OSBP2: variants seen among roughly 807,000 people sequenced by gnomAD.
OSBP2 encodes the protein oxysterol binding protein 2.
Under a neutral mutation model 96.0 loss-of-function variants are expected in OSBP2, and 66 were observed. The ratio of observed to expected loss-of-function variants is 0.69; its 90% confidence interval spans 0.56 to 0.84. The LOEUF (loss-of-function observed/expected upper bound fraction) is 0.84. OSBP2 is among the 40% of genes least tolerant of loss of function. OSBP2 has a pLI of 0.00. For synonymous variants in OSBP2, 525 were observed against 520.9 expected, an observed-to-expected ratio of 1.01 and a Z score of -0.11; for missense variants, 1,038 against 1,222.7, an observed-to-expected ratio of 0.85 and a Z score of 2.25.
intron 1 of OSBP2, among the ~76,000 whole-genome samples, chr22:30,722,659 C>T (rs1392826267): frequency 1.3e-5 from 2 of 150,868 alleles, no homozygotes; most frequent in African/African-American, 4.9e-5. Flanking sequence ...CTCCTTCCTT[C>T]CCTCTCTTTT....
At chr22:30,794,507 C>A (rs938194550) in intron 2 of OSBP2, among the ~76,000 whole-genome samples, 1 of 151,964 alleles carries the variant, frequency 6.6e-6, no homozygotes, top group African/African-American at 2.4e-5. Context: ...TCGAGTGATC[C>A]GCCCGCCTCA....
At chr22:30,784,957 A>G (rs2090566488) in intron 2 of OSBP2, among the ~76,000 whole-genome samples, 1 of 152,114 alleles carries the variant, frequency 6.6e-6, no homozygotes, top group East Asian at 1.9e-4. Context: ...CATTTTTAGT[A>G]GAAATGAGGT....
chr22:30,881,194 C>A lies in OSBP2; in HGVS notation c.1108-6232C>A, dbSNP rs187676266. Among the ~76,000 whole-genome samples, 3 of 152,304 alleles carry A rather than the reference C, an allele frequency of 2.0e-5. No homozygotes were observed. Among genetic ancestry groups the A allele is most frequent in the East Asian group, 3.9e-4 (2 of 5,176 alleles). ...ACCCCCAACACCCCTTTCACCAGAACCCTCTGTGCAGCACTTGGGGGTAGG... is the reference window on the plus strand; with the variant it reads ...ACCCCCAACACCCCTTTCACCAGAAACCTCTGTGCAGCACTTGGGGGTAGG... On this transcript the variant is annotated intron_variant, in intron 3 of 13. Transcript: ENST00000332585. The surrounding 1 kb of genome is among the most constrained non-coding windows in gnomAD (Gnocchi z 4.5).
At chr22:30,901,865 C>A (rs5753380) in intron 12 of OSBP2, among the ~76,000 whole-genome samples, 3 of 151,786 alleles carry the variant, frequency 2.0e-5, no homozygotes, top group Non-Finnish European at 4.4e-5. Context: ...TCTGTCCCCC[C>A]ACAAAAAAAG....
At chr22:30,855,367 G>A (rs147600045) in intron 2 of OSBP2, among the ~76,000 whole-genome samples, 28 of 152,256 alleles carry the variant, frequency 1.8e-4, no homozygotes, top group South Asian at 1.2e-3. Flanking sequence ...ACTGTGGGCC[G>A]GCACCTTTGC....
chr22:30,735,433 G>A (rs985227209), intron 1 of OSBP2, among the ~76,000 whole-genome samples: 1 of 18,698 alleles, frequency 5.3e-5, no homozygotes, highest in African/African-American at 2.0e-4. Context: ...TTTTTTTTTT[G>A]AGACAGGGTC....
At chr22:30,817,986 C>T (rs993671726) in intron 2 of OSBP2, among the ~76,000 whole-genome samples, 1 of 152,116 alleles carries the variant, frequency 6.6e-6, no homozygotes, top group African/African-American at 2.4e-5. Context: ...CCTTGACCTC[C>T]CCAGGGTCAA....
chr22:30,853,978 C>T lies in OSBP2; in HGVS notation c.854-16451C>T, dbSNP rs2039028854. 3.3e-5 allele frequency among the ~76,000 whole-genome samples: 5 copies of T among 152,192 alleles called. No individual in the cohort carries two copies. The East Asian group carries it at 9.7e-4, about 30-fold the overall frequency. On this transcript the variant is annotated intron_variant, in intron 2 of 13. Coordinates refer to ENST00000332585, the MANE Select transcript of OSBP2 (RefSeq NM_030758.4). ...GTTTCACCGTGTTAGCCAGGATGGT[C>T]TCGATCTCCTGACCTCATCATCCGC...
At chr22:30,711,083 C>G (rs2089338923) in intron 1 of OSBP2, among the ~76,000 whole-genome samples, 1 of 152,114 alleles carries the variant, frequency 6.6e-6, no homozygotes, top group Non-Finnish European at 1.5e-5. Flanking sequence ...TCAGCCATTT[C>G]TCCAAGGAGC....
At chr22:30,743,789 C>T (rs909119299) in intron 2 of OSBP2, among the ~76,000 whole-genome samples, 5 of 152,150 alleles carry the variant, frequency 3.3e-5, no homozygotes, top group Non-Finnish European at 5.9e-5. Flanking sequence ...AGTTTTCCTA[C>T]GACAGCCAGT....
intron 2 of OSBP2, among the ~76,000 whole-genome samples, chr22:30,809,531 G>A (rs902585409): frequency 3.3e-5 from 5 of 152,188 alleles, no homozygotes; most frequent in Non-Finnish European, 7.3e-5. Context: ...CTCAGGCCCC[G>A]TGAGTGAAGG....
intron 2 of OSBP2, among the ~76,000 whole-genome samples, chr22:30,750,739 TTTTTTG>T (rs903840081): frequency 1.3e-5 from 2 of 152,220 alleles, no homozygotes; most frequent in Non-Finnish European, 2.9e-5. Flanking sequence ...TAACTCTTTG[TTTTTTG>T]TTTTTGTTTT....
intron 3 of OSBP2, among the ~76,000 whole-genome samples, chr22:30,879,151 CT>C (rs1420199147): frequency 6.6e-6 from 1 of 152,228 alleles, no homozygotes; most frequent in Non-Finnish European, 1.5e-5. Flanking sequence ...CGTGGGGCTC[CT>C]TAGGCCAACC....
At chr22:30,888,707 C>A (rs1320211718) in intron 5 of OSBP2, among the ~76,000 whole-genome samples, 1 of 152,120 alleles carries the variant, frequency 6.6e-6, no homozygotes, top group African/African-American at 2.4e-5. Context: ...CTAGCCTGGG[C>A]AACAGAGAGA....
Position 30,889,496 on chromosome 22 carries a change from G to A in OSBP2, c.1483G>A (p.Asp495Asn). 4 of 1,614,080 alleles carry A rather than the reference G, an allele frequency of 2.5e-6. No homozygotes were observed. Among genetic ancestry groups the A allele is most frequent in the Non-Finnish European group, 3.4e-6 (4 of 1,180,010 alleles). The change falls in exon 7 of 14, where the codon GAT becomes AAT. Residue 495 changes from aspartate to asparagine, a missense_variant. Physicochemically the swap from Asp to Asn is conservative, Grantham distance 23 (BLOSUM62 1). Coordinates refer to ENST00000332585, the MANE Select transcript of OSBP2 (RefSeq NM_030758.4). Reference protein sequence around the residue: ...VDWSSADNVLDGASLVPKGSS... With the variant: ...VDWSSADNVLNGASLVPKGSS... ...GTCCCCACTTATGTGGCAGGTACTA[G>A]ATGGTGCCTCGCTCGTGCCCAAGGG...
chr22:30,789,913 T>C (rs1240129822), intron 2 of OSBP2, among the ~76,000 whole-genome samples: 1 of 152,186 alleles, frequency 6.6e-6, no homozygotes, highest in Non-Finnish European at 1.5e-5. Flanking sequence ...TTTTATTTTG[T>C]GCCATGCTCT....
chr22:30,842,557 T>G (rs2038774458), intron 2 of OSBP2: 1 of 152,388 alleles, frequency 6.6e-6, no homozygotes, highest in South Asian at 2.1e-4. Context: ...TCAGTAGAAC[T>G]TCTTTCAAAA....
chr22:30,901,865 C>T (rs5753380), intron 12 of OSBP2, among the ~76,000 whole-genome samples: 1 of 151,786 alleles, frequency 6.6e-6, no homozygotes, highest in South Asian at 2.1e-4. Flanking sequence ...TCTGTCCCCC[C>T]ACAAAAAAAG....
At chr22:30,804,438 T>C (rs747938247) in intron 2 of OSBP2, among the ~76,000 whole-genome samples, 28 of 152,188 alleles carry the variant, frequency 1.8e-4, no homozygotes, top group Non-Finnish European at 3.7e-4. Flanking sequence ...CCTTGGATCA[T>C]TGGATGCCTG....
Sources: gnomAD v4.1 joint callset for allele counts (sites outside exome capture counted in the v4.1 genomes callset) on GRCh38, gnomAD v4.1.1 for gene constraint, Gnocchi (gnomAD v3.1) non-coding constraint, MANE v1.5 for transcripts, NCBI Gene and HGNC (gene_info 2026-07-23, HGNC 2026-07-21) for gene names.